PTGIS: variants seen among roughly 807,000 people sequenced by gnomAD.
The protein encoded by PTGIS is prostaglandin I2 synthase.
A neutral mutation model predicts 50.3 loss-of-function variants in PTGIS; 45 were observed. The observed-to-expected ratio is 0.90, with a 90% confidence interval of 0.70 to 1.15. The LOEUF (loss-of-function observed/expected upper bound fraction) is 1.15. Among genes scored for constraint, PTGIS ranks in the 50% most tolerant of loss-of-function variants. The probability of loss-of-function intolerance (pLI) is 0.00; values close to 1 mark genes in which losing one functional copy is unlikely to be tolerated. For missense variants in PTGIS, 668 were observed against 661.3 expected, an observed-to-expected ratio of 1.01 and a Z score of -0.11; for synonymous variants, 260 against 267.7, an observed-to-expected ratio of 0.97 and a Z score of 0.28.
At chr20:49,512,081 A>G (rs1016306645) in intron 8 of PTGIS, among the ~76,000 whole-genome samples, 3 of 151,700 alleles carry the variant, frequency 2.0e-5, no homozygotes, top group Non-Finnish European at 1.5e-5. Flanking sequence ...AAATGAGTAG[A>G]TGATTGAATG....
At chr20:49,541,021 T>C (rs1026994653) in intron 4 of PTGIS, among the ~76,000 whole-genome samples, 2 of 152,168 alleles carry the variant, frequency 1.3e-5, no homozygotes, top group Non-Finnish European at 2.9e-5. Context: ...CCCTGCTCTG[T>C]CCCTCACCTG....
intron 5 of PTGIS, among the ~76,000 whole-genome samples, chr20:49,527,289 C>CAAAA (rs36033143): frequency 9.0e-6 from 1 of 111,166 alleles, no homozygotes; most frequent in Non-Finnish European, 2.0e-5. Flanking sequence ...TACTAAAATA[C>CAAAA]AAAAAAAAAA....
chr20:49,522,339 C>T (rs532117605), intron 6 of PTGIS, among the ~76,000 whole-genome samples: 2 of 152,186 alleles, frequency 1.3e-5, no homozygotes, highest in African/African-American at 4.8e-5. Flanking sequence ...AGAGCAGACC[C>T]GAAAGTCTCT....
At chr20:49,538,264 A>AG (rs1982132652) in intron 5 of PTGIS, among the ~76,000 whole-genome samples, 1 of 120,502 alleles carries the variant, frequency 8.3e-6, no homozygotes, top group East Asian at 2.2e-4. Flanking sequence ...CAGAAAAAAA[A>AG]AAAAAAAAAA....
chr20:49,553,290 ATT>A (rs1982555334), intron 1 of PTGIS, among the ~76,000 whole-genome samples: 1 of 152,106 alleles, frequency 6.6e-6, no homozygotes, highest in Non-Finnish European at 1.5e-5. Context: ...GGCATTTAAT[ATT>A]GTTCATTTAA....
rs1215076440 is a variant in PTGIS at position 49,504,999 on chromosome 20, T to A, written c.*2921A>T. ...TTAGCCGGGTGTGGTGGCGGGTGCC[T>A]GTAGTCCCAGCTACTCAGGAGGCTG... On this transcript the variant is annotated 3_prime_UTR_variant, in exon 10 of 10. Transcript: ENST00000244043. 1 of 151,496 alleles carries A rather than the reference T, an allele frequency of 6.6e-6. No homozygotes were observed. Among genetic ancestry groups the A allele is most frequent in the African/African-American group, 2.4e-5 (1 of 41,098 alleles). The allele number at this position is 151,496 out of a possible 1,614,324, so 9.4% of individuals were successfully genotyped here.
In PTGIS at chr20:49,524,173, G is replaced by A. The variant is rs1196152078; in HGVS notation, c.740C>T (p.Ala247Val). The change falls in exon 6 of 10, where the codon GCC becomes GTC. Residue 247 changes from alanine (A) to valine (V), a missense_variant. Transcript: ENST00000244043. Reference protein sequence around the residue: ...LWKLLSPARLARRAHRSKWLE... With the variant: ...LWKLLSPARLVRRAHRSKWLE... ...CCATTTGCTCCGGTGGGCCCGCCTG[G>A]CCAGCCTGGCTGGGGATAGCAGCTT... 20 of 1,614,046 alleles carry A rather than the reference G, an allele frequency of 1.2e-5. No homozygotes were observed. The highest frequency in any genetic ancestry group is 2.2e-5 in the East Asian group (1 of 44,882).
chr20:49,519,259 G>A (rs1054632443), intron 6 of PTGIS, among the ~76,000 whole-genome samples: 3 of 151,742 alleles, frequency 2.0e-5, no homozygotes, highest in African/African-American at 7.3e-5. Context: ...CATCACTCTC[G>A]ATTCCAGGTT....
At position 49,509,350 on chromosome 20, in the gene PTGIS, A is replaced by G. The variant is rs184834267; in HGVS notation, c.1359-1286T>C. 2.4e-3 allele frequency among the ~76,000 whole-genome samples: 361 copies of G among 152,336 alleles called. 2 individuals are homozygous for G. Among genetic ancestry groups the G allele is most frequent in the Admixed American group, 7.3e-3 (112 of 15,308 alleles). ...ACCAGCAGGGTTGTCATGACAATTC[A>G]GTGAGATAAAAATAACAACAAATTA... On this transcript the variant is annotated intron_variant, in intron 9 of 9. Transcript: ENST00000244043.
intron 1 of PTGIS, 126 bp downstream of exon 1, chr20:49,567,917 G>A (rs1568690035): frequency 6.7e-6 from 6 of 898,152 alleles, no homozygotes; most frequent in Non-Finnish European, 7.5e-6. Flanking sequence ...CGAGGGTCTC[G>A]CCTTGCCCGG....
intron 6 of PTGIS, among the ~76,000 whole-genome samples, chr20:49,515,956 C>A (rs1981462119): frequency 6.6e-6 from 1 of 151,982 alleles, no homozygotes; most frequent in Non-Finnish European, 1.5e-5. Flanking sequence ...TCATAGCTCA[C>A]TGCAGCCTCG....
chr20:49,525,858 TG>T (rs1981783077), intron 5 of PTGIS, among the ~76,000 whole-genome samples: 1 of 152,134 alleles, frequency 6.6e-6, no homozygotes, highest in Non-Finnish European at 1.5e-5. Flanking sequence ...ATTCTAAACC[TG>T]GCTGCACCTC....
At chr20:49,541,835 A>T (rs891098742) in intron 4 of PTGIS, among the ~76,000 whole-genome samples, 1 of 152,230 alleles carries the variant, frequency 6.6e-6, no homozygotes, top group East Asian at 1.9e-4. Flanking sequence ...CGGCAGCTCC[A>T]TATCAAAAGA....
chr20:49,508,360 C>T (rs1981214106), intron 9 of PTGIS, among the ~76,000 whole-genome samples: 1 of 152,208 alleles, frequency 6.6e-6, no homozygotes, highest in Non-Finnish European at 1.5e-5. Flanking sequence ...GCTGTCCCTC[C>T]TGCCTGGCAG....
chr20:49,524,266 G>A (rs930950937), intron 5 of PTGIS, 27 bp from the exon 6 acceptor site: 8 of 1,611,326 alleles, frequency 5.0e-6, no homozygotes, highest in Non-Finnish European at 6.8e-6. Flanking sequence ...CAGAGAGTAG[G>A]GGTTACAGAT....
At chr20:49,534,478 G>A (rs948121433) in intron 5 of PTGIS, among the ~76,000 whole-genome samples, 8 of 151,912 alleles carry the variant, frequency 5.3e-5, no homozygotes, top group African/African-American at 1.2e-4. Context: ...GCTGCTCCCA[G>A]AGTGATGGGG....
chr20:49,507,564 A>C lies in PTGIS; in HGVS notation c.*356T>G, dbSNP rs1253657696. 2.6e-6 allele frequency: 1 copy of C among 380,418 alleles called. No individual in the cohort carries two copies. The highest frequency in any genetic ancestry group is 5.0e-6 in the Non-Finnish European group (1 of 198,058). The allele number at this position is 380,418 out of a possible 1,614,324, so 23.6% of individuals were successfully genotyped here. On this transcript the variant is annotated 3_prime_UTR_variant, in exon 10 of 10. Coordinates refer to ENST00000244043, the MANE Select transcript of PTGIS (RefSeq NM_000961.4). ...GCCATGCTAGCTCATAAGAACTAGG[A>C]AGGTGACACCTCCGGGAGTTGGGGG...
intron 5 of PTGIS, among the ~76,000 whole-genome samples, chr20:49,538,345 C>T (rs1982135729): frequency 6.6e-6 from 1 of 150,430 alleles, no homozygotes; most frequent in South Asian, 2.1e-4. Flanking sequence ...AGGAGGATCG[C>T]TTGAGCCCAG....
At chr20:49,510,975 T>G in intron 9 of PTGIS, 53 bp downstream of exon 9, 6 of 1,582,980 alleles carry the variant, frequency 3.8e-6, no homozygotes, top group South Asian at 1.1e-5. Flanking sequence ...GAAGGGCGCC[T>G]GCCAACCAGG....
Sources: allele counts gnomAD v4.1 joint callset (sites outside exome capture counted in the v4.1 genomes callset), GRCh38; gene constraint gnomAD v4.1.1; transcripts MANE v1.5; gene names NCBI Gene and HGNC (gene_info 2026-07-23, HGNC 2026-07-21).